The following ERC2 variants were observed in gnomAD, a reference collection of about 807,000 sequenced individuals.
The protein encoded by ERC2 is ERC protein 2.
ERC2 carries 42 observed loss-of-function variants against 114.8 expected under a neutral mutation model. The ratio of observed to expected loss-of-function variants is 0.37; its 90% CI spans 0.29 to 0.47. The LOEUF is 0.47. Ranked by LOEUF, ERC2 falls within the 20% of genes least tolerant of loss-of-function variation. ERC2 has a pLI of 0.99. For synonymous variants in ERC2, 454 were observed against 425.5 expected (o/e 1.07, Z -0.82); for missense variants, 939 against 1,150.7 (o/e 0.82, Z 2.66).
chr3:56,090,810 T>TC (rs2077748034), intron 6 of ERC2, among the ~76,000 whole-genome samples: 1 of 151,376 alleles, frequency 6.6e-6, no homozygotes, highest in Non-Finnish European at 1.5e-5. Context: ...CTCTTTTTTT[T>TC]ATTTCTAGCT....
chr3:56,134,222 T>C lies in ERC2; in HGVS notation c.1473+5287A>G, dbSNP rs145184119. Among the ~76,000 whole-genome samples, 43 of 152,352 alleles carry C rather than the reference T, an allele frequency of 2.8e-4. No individual in the cohort carries two copies. In the East Asian group the frequency reaches 7.3e-3, roughly 26 times the overall value. ...ATCTATTTCTTCGTGTCTTCTTTCC[T>C]TCCTTTACTTATCTGCTTTTAAACA... is the stretch of plus-strand genomic sequence containing the variant. On this transcript the variant is annotated intron_variant, in intron 6 of 17. Coordinates refer to ENST00000288221, the MANE Select transcript of ERC2 (RefSeq NM_015576.3).
At chr3:56,065,919 A>T (rs781607377) in intron 7 of ERC2, among the ~76,000 whole-genome samples, 1 of 152,092 alleles carries the variant, frequency 6.6e-6, no homozygotes, top group African/African-American at 2.4e-5. Flanking sequence ...TGGTGTATAT[A>T]TACCACATTT....
At position 55,517,163 on chromosome 3, in the gene ERC2, G is replaced by A. The variant is rs1012826674; in HGVS notation, c.*40-5887C>T. Among the ~76,000 whole-genome samples the A allele has an allele frequency of 7.2e-5, 11 of 152,154 alleles. No individual in the cohort carries two copies. In the East Asian group the frequency reaches 1.9e-3, roughly 27 times the overall value. ...TTTAAAAATTATCTAAAAACTGGCC[G>A]GGTGCAATGGCTCACGCCTGTAACC... On this transcript the variant is annotated intron_variant, in intron 17 of 17. Transcript: ENST00000288221.
chr3:55,854,744 C>T (rs904261829), intron 14 of ERC2, among the ~76,000 whole-genome samples: 1 of 152,158 alleles, frequency 6.6e-6, no homozygotes, highest in African/African-American at 2.4e-5. Flanking sequence ...CATGTCATGT[C>T]CTGTTTGTGA....
At chr3:56,004,619 C>A (rs1187468715) in intron 10 of ERC2, among the ~76,000 whole-genome samples, 1 of 151,984 alleles carries the variant, frequency 6.6e-6, no homozygotes, top group African/African-American at 2.4e-5. Context: ...AAGTTTAAAT[C>A]ACCGTTTGGA....
chr3:55,710,815 A>C (rs1279552813), intron 15 of ERC2, among the ~76,000 whole-genome samples: 1 of 152,200 alleles, frequency 6.6e-6, no homozygotes, highest in Non-Finnish European at 1.5e-5. Flanking sequence ...AGAACAACCC[A>C]AATTCATAAA....
In ERC2 at chr3:55,567,343, C is replaced by G. The variant is rs531499863; in HGVS notation, c.*40-56067G>C. ...TGAGGCCAGAATGTTGGGAAAGAGA[C>G]AGGAGGCCAGTTAAACAAAGGGAAG... On this transcript the variant is annotated intron_variant, in intron 17 of 17. Transcript: ENST00000288221. 7.2e-4 allele frequency among the ~76,000 whole-genome samples: 109 copies of G among 152,242 alleles called. 1 individual carries two copies. Among genetic ancestry groups the G allele is most frequent in the South Asian group, 5.8e-3 (28 of 4,822 alleles).
intron 10 of ERC2, among the ~76,000 whole-genome samples, chr3:56,002,648 G>C (rs1017023807): frequency 1.2e-4 from 19 of 152,162 alleles, no homozygotes; most frequent in African/African-American, 4.6e-4. Context: ...GTAATGTCAA[G>C]TATTTACCAA....
At chr3:56,385,362 T>C (rs1412915888) in intron 2 of ERC2, among the ~76,000 whole-genome samples, 4 of 152,086 alleles carry the variant, frequency 2.6e-5, no homozygotes, top group Non-Finnish European at 4.4e-5. Flanking sequence ...TCTGCTGTCA[T>C]AATCCAATCA....
At chr3:55,786,958 A>G (rs2069552234) in intron 14 of ERC2, among the ~76,000 whole-genome samples, 1 of 152,158 alleles carries the variant, frequency 6.6e-6, no homozygotes, top group Admixed American at 6.5e-5. Flanking sequence ...GAACTATACT[A>G]CTACAAGTCC....
intron 6 of ERC2, among the ~76,000 whole-genome samples, chr3:56,085,439 A>C (rs930664829): frequency 6.6e-6 from 1 of 152,194 alleles, no homozygotes; most frequent in Non-Finnish European, 1.5e-5. Context: ...GATTCTTCAA[A>C]TAGCTGATAG....
intron 2 of ERC2, among the ~76,000 whole-genome samples, chr3:56,361,857 A>G (rs1182390849): frequency 6.6e-6 from 1 of 152,192 alleles, no homozygotes; most frequent in Non-Finnish European, 1.5e-5. Flanking sequence ...GGTACAACCC[A>G]GGAAACACTG....
At chr3:55,804,426 A>G (rs1402301065) in intron 14 of ERC2, among the ~76,000 whole-genome samples, 1 of 152,178 alleles carries the variant, frequency 6.6e-6, no homozygotes, top group Non-Finnish European at 1.5e-5. Flanking sequence ...TAGAAAGAAC[A>G]TTTTGGCCAA....
At chr3:55,816,702 G>GT (rs2059915054) in intron 14 of ERC2, among the ~76,000 whole-genome samples, 6 of 151,900 alleles carry the variant, frequency 3.9e-5, no homozygotes, top group African/African-American at 1.5e-4. Flanking sequence ...CAAAACAGGA[G>GT]TTTTTTACAG....
Position 56,097,282 on chromosome 3 carries a change from G to C in ERC2, c.1474-16298C>G, listed in dbSNP as rs545022843. ...AGAAGACAATCACTATAAAAACTAA[G>C]CTGGAAGCAAGAATTGCCATGATGT... On this transcript the variant is annotated intron_variant, in intron 6 of 17. Coordinates refer to ENST00000288221, the MANE Select transcript of ERC2 (RefSeq NM_015576.3). Among the ~76,000 whole-genome samples, 5 of 152,162 alleles carry C rather than the reference G, an allele frequency of 3.3e-5. No homozygotes were observed. The East Asian group carries it at 9.7e-4, about 29-fold the overall frequency.
intron 1 of ERC2, among the ~76,000 whole-genome samples, chr3:56,440,486 T>G (rs1174666010): frequency 6.7e-6 from 1 of 150,208 alleles, no homozygotes; most frequent in Non-Finnish European, 1.5e-5. Context: ...AGGCGGAGCT[T>G]GCAGTGAGCC....
At chr3:56,090,922 CAAAT>C (rs1269051413) in intron 6 of ERC2, among the ~76,000 whole-genome samples, 1 of 152,062 alleles carries the variant, frequency 6.6e-6, no homozygotes, top group African/African-American at 2.4e-5. Context: ...TTCACTAAAA[CAAAT>C]CTACTTTCAT....
chr3:55,760,559 C>G (rs1390197), intron 14 of ERC2, among the ~76,000 whole-genome samples: 111,773 of 152,112 alleles, frequency 0.73, 41,181 homozygotes, highest in Middle Eastern at 0.81. Context: ...AGAAAGATGG[C>G]TGAACTATAA....
intron 14 of ERC2, among the ~76,000 whole-genome samples, chr3:55,874,963 T>G (rs930946504): frequency 1.3e-5 from 2 of 152,074 alleles, no homozygotes; most frequent in African/African-American, 4.8e-5. Flanking sequence ...ATCCTCTAGA[T>G]TTTTTTCTCT....
Sources: allele counts gnomAD v4.1 joint callset (sites outside exome capture counted in the v4.1 genomes callset), GRCh38; gene constraint gnomAD v4.1.1; transcripts MANE v1.5; gene names NCBI Gene and HGNC (gene_info 2026-07-23, HGNC 2026-07-21).